The following ABLIM1 variants were observed in gnomAD, a reference collection of about 807,000 sequenced individuals.
The protein encoded by ABLIM1 is actin-binding LIM protein 1.
In ABLIM1, 40 loss-of-function variants were observed where a neutral mutation model predicts 107.0. That is an observed-to-expected ratio of 0.37 (90% CI 0.29 to 0.49). The LOEUF is 0.49. Ranked by LOEUF, ABLIM1 falls within the 20% of genes least tolerant of loss-of-function variation. The pLI is 0.97. For missense variants in ABLIM1, 857 were observed against 1,008.5 expected (o/e 0.85, Z 2.04); for synonymous variants, 357 against 357.3 (o/e 1.00, Z 0.01).
intron 13 of ABLIM1, among the ~76,000 whole-genome samples, chr10:114,452,791 T>G (rs2062100910): frequency 6.6e-6 from 1 of 152,246 alleles, no homozygotes; most frequent in Non-Finnish European, 1.5e-5. Flanking sequence ...CAGCAAATGC[T>G]TGTGACTACT....
chr10:114,544,076 G>A (rs2067018221), intron 6 of ABLIM1, among the ~76,000 whole-genome samples: 1 of 152,186 alleles, frequency 6.6e-6, no homozygotes, highest in South Asian at 2.1e-4. Flanking sequence ...CGGGGAGGGG[G>A]GCCTCAGATC....
the ABLIM1 span, among the ~76,000 whole-genome samples, chr10:114,787,704 G>GT: frequency 8.6e-6 from 1 of 116,136 alleles, no homozygotes; most frequent in African/African-American, 3.0e-5. Flanking sequence ...CGGGAGGGAG[G>GT]TGGGGGGGTC....
At chr10:114,791,210 T>C in the ABLIM1 span, among the ~76,000 whole-genome samples, 43 of 152,186 alleles carry the variant, frequency 2.8e-4, no homozygotes, top group South Asian at 8.5e-3. Context: ...GCCTCCTGAG[T>C]AGCTAAGACT....
chr10:114,699,352 T>C (rs2081262000), intron 1 of ABLIM1, among the ~76,000 whole-genome samples: 1 of 152,150 alleles, frequency 6.6e-6, no homozygotes, highest in South Asian at 2.1e-4. Flanking sequence ...GCTTCTGCAG[T>C]GAAGAATATT....
chr10:114,481,059 T>C (rs754493632), intron 8 of ABLIM1, among the ~76,000 whole-genome samples: 1 of 152,180 alleles, frequency 6.6e-6, no homozygotes, highest in Non-Finnish European at 1.5e-5. Flanking sequence ...TGTCCTACCA[T>C]TCAGAAGGCA....
At chr10:114,691,465 T>C (rs1238110002) in intron 1 of ABLIM1, among the ~76,000 whole-genome samples, 1 of 152,204 alleles carries the variant, frequency 6.6e-6, no homozygotes, top group Admixed American at 6.5e-5. Context: ...TCCATTTCGT[T>C]CTGCCTCTCA....
chr10:114,447,786 A>G lies in ABLIM1; in HGVS notation c.1735+94T>C, dbSNP rs1589759208. On this transcript the variant is annotated intron_variant, in intron 15 of 22. Coordinates refer to ENST00000533213, the MANE Select transcript of ABLIM1 (RefSeq NM_002313.7). ...GGTCATACTTTTCTTTAAAATCTTC[A>G]TAATAGGATACATTTTCTTTCATGT... 2.0e-6 allele frequency: 3 copies of G among 1,528,868 alleles called. No individual in the cohort carries two copies. The East Asian group carries it at 6.8e-5, about 35-fold the overall frequency. The allele number at this position is 1,528,868 out of a possible 1,614,324, so 94.7% of individuals were successfully genotyped here.
intron 6 of ABLIM1, among the ~76,000 whole-genome samples, chr10:114,541,491 G>T (rs572023516): frequency 4.6e-5 from 7 of 152,040 alleles, no homozygotes; most frequent in African/African-American, 1.7e-4. Flanking sequence ...CGAGGGAGGA[G>T]TGTGTGGAGA....
At chr10:114,640,212 C>T (rs1591699542) in intron 1 of ABLIM1, among the ~76,000 whole-genome samples, 1 of 152,226 alleles carries the variant, frequency 6.6e-6, no homozygotes, top group South Asian at 2.1e-4. Flanking sequence ...GTAAAATGTG[C>T]ACGTATCAAG....
intron 1 of ABLIM1, among the ~76,000 whole-genome samples, chr10:114,624,574 T>G (rs1224977912): frequency 6.6e-6 from 1 of 152,202 alleles, no homozygotes; most frequent in African/African-American, 2.4e-5. Flanking sequence ...CAACCTCCAT[T>G]TCAGATGCCC....
chr10:114,635,583 G>A (rs1431839263), intron 1 of ABLIM1, among the ~76,000 whole-genome samples: 1 of 152,228 alleles, frequency 6.6e-6, no homozygotes, highest in Non-Finnish European at 1.5e-5. Flanking sequence ...GGAGTGCAGT[G>A]GCACATCTCA....
At chr10:114,737,768 G>A (rs2082208923) in intron 1 of ABLIM1, among the ~76,000 whole-genome samples, 1 of 152,052 alleles carries the variant, frequency 6.6e-6, no homozygotes, top group Admixed American at 6.6e-5. Context: ...AAATGATTAT[G>A]GTCTCAGGAG....
chr10:114,583,446 CACACACACACACACACACACACATAT>C (rs2073724344), intron 2 of ABLIM1, among the ~76,000 whole-genome samples: 2 of 41,596 alleles, frequency 4.8e-5, no homozygotes, highest in African/African-American at 1.7e-4. Context: ...CACACACACA[CACACACACACACACACACACACATAT>C]ATATATATAT....
At chr10:114,670,580 G>A (rs78821967) in intron 1 of ABLIM1, among the ~76,000 whole-genome samples, 2,917 of 152,170 alleles carry the variant, frequency 0.019, 37 homozygotes, top group Middle Eastern at 0.031. Context: ...TGCAACCTCC[G>A]ACTCCCGGCT....
At chr10:114,775,256 T>TC in the ABLIM1 span, among the ~76,000 whole-genome samples, 1 of 151,916 alleles carries the variant, frequency 6.6e-6, no homozygotes, top group Non-Finnish European at 1.5e-5. Flanking sequence ...GGATTACAGG[T>TC]CCCTCCCTCC....
chr10:114,468,377 C>T (rs865853684), intron 10 of ABLIM1, 161 bp from the exon 11 acceptor site: 47 of 611,574 alleles, frequency 7.7e-5, no homozygotes, highest in African/African-American at 6.3e-4. Flanking sequence ...CAGGTTCAAG[C>T]GATTCTCCTG....
intron 1 of ABLIM1, among the ~76,000 whole-genome samples, chr10:114,746,524 G>C (rs1319098479): frequency 6.6e-6 from 1 of 152,154 alleles, no homozygotes; most frequent in Admixed American, 6.5e-5. Flanking sequence ...CTTGGCTATT[G>C]TGAATAGTGC....
At chr10:114,793,005 A>G in the ABLIM1 span, among the ~76,000 whole-genome samples, 1 of 152,168 alleles carries the variant, frequency 6.6e-6, no homozygotes, top group Non-Finnish European at 1.5e-5. Flanking sequence ...TACAAAAATT[A>G]GCCAGGAATG....
intron 1 of ABLIM1, among the ~76,000 whole-genome samples, chr10:114,644,515 A>G (rs1367382313): frequency 6.6e-6 from 1 of 151,590 alleles, no homozygotes; most frequent in Non-Finnish European, 1.5e-5. Flanking sequence ...ATCTTTCTTG[A>G]CGGACCTTGT....
Sources: gnomAD v4.1 joint callset for allele counts (sites outside exome capture counted in the v4.1 genomes callset) on GRCh38, gnomAD v4.1.1 for gene constraint, MANE v1.5 for transcripts, NCBI Gene and HGNC (gene_info 2026-07-23, HGNC 2026-07-21) for gene names.